Variants in CORIN observed in about 807,000 individuals in gnomAD.
CORIN encodes corin, serine peptidase, also known as atrial natriuretic peptide-converting enzyme.
Under a neutral mutation model 125.3 loss-of-function variants are expected in CORIN, and 117 were observed. The observed-to-expected ratio is 0.93, with a 90% CI of 0.80 to 1.09. The LOEUF is 1.09. CORIN is among the 50% of genes least tolerant of loss of function. The pLI is 0.00. For synonymous variants in CORIN, 450 were observed against 466.4 expected (o/e 0.96, Z 0.45); for missense variants, 1,253 against 1,306.7 (o/e 0.96, Z 0.63).
chr4:47,660,080 C>A (rs1404768182), intron 12 of CORIN, among the ~76,000 whole-genome samples: 1 of 152,172 alleles, frequency 6.6e-6, no homozygotes, highest in Admixed American at 6.5e-5. Flanking sequence ...AGAACACACA[C>A]TGGGGAAAGG....
intron 13 of CORIN, among the ~76,000 whole-genome samples, chr4:47,646,015 C>G: frequency 7.7e-6 from 1 of 129,996 alleles, no homozygotes; most frequent in Non-Finnish European, 1.6e-5. Context: ...GTGGCACGTT[C>G]TTGGCTCACC....
chr4:47,616,935 T>G (rs1465414940), intron 19 of CORIN, among the ~76,000 whole-genome samples: 2 of 152,098 alleles, frequency 1.3e-5, no homozygotes, highest in African/African-American at 4.8e-5. Context: ...TTTGAAAAGA[T>G]GAAAGGGGAT....
rs186748019 is a variant in CORIN at position 47,786,851 on chromosome 4, C to A, written c.283G>T (p.Asp95Tyr). The A allele has an allele frequency of 1.5e-4, 247 of 1,613,764 alleles. 1 individual carries two copies. In the East Asian group the frequency reaches 3.5e-3, roughly 23 times the overall value. ...LVTDGEIQGS[D>Y]VILTNTIYNQ... Reference sequence around the variant, plus strand: ...TAAATTGTATTTGTAAGAATAACATCGGACCCTTGGATTTCACCATCAGTG... The same window carrying A: ...TAAATTGTATTTGTAAGAATAACATAGGACCCTTGGATTTCACCATCAGTG... The change falls in exon 3 of 22, where the codon GAT (aspartate) becomes TAT (tyrosine). Residue 95 changes from aspartate (D) to tyrosine (Y), a missense_variant. Physicochemically the swap from Asp to Tyr is radical, Grantham distance 160. Transcript: ENST00000273857.
chr4:47,745,028 C>T (rs1415103961), intron 4 of CORIN, among the ~76,000 whole-genome samples: 7 of 152,152 alleles, frequency 4.6e-5, no homozygotes, highest in African/African-American at 1.7e-4. Flanking sequence ...AGAGAGTAAG[C>T]TGTTCCATTA....
chr4:47,658,956 T>A (rs1724120632), intron 12 of CORIN, among the ~76,000 whole-genome samples: 1 of 152,258 alleles, frequency 6.6e-6, no homozygotes, highest in Non-Finnish European at 1.5e-5. Context: ...GCAGCCAGGC[T>A]ATCTCTTGAA....
chr4:47,708,671 T>C (rs1214991606), intron 5 of CORIN, among the ~76,000 whole-genome samples: 1 of 152,180 alleles, frequency 6.6e-6, no homozygotes, highest in Non-Finnish European at 1.5e-5. Flanking sequence ...CTCAAGCAAG[T>C]GTGCCTTCTC....
rs1017283074 is a variant in CORIN, at chr4:47,677,968, C to T, written c.1219G>A (p.Asp407Asn). The T allele has an allele frequency of 1.9e-6, 3 of 1,613,896 alleles. No homozygotes were observed. Among genetic ancestry groups the T allele is most frequent in the African/African-American group, 1.3e-5 (1 of 75,032 alleles). ...FQCDGDEDCK[D>N]GSDEENCSVI... ...CTGCAGTTCTCCTCATCACTCCCAT[C>T]CTTGCAGTCCTCGTCACCATCACAT... The change falls in exon 9 of 22, where the codon GAT (aspartate) becomes AAT (asparagine). Residue 407 changes from aspartate (D) to asparagine (N), a missense_variant. Coordinates refer to ENST00000273857, the MANE Select transcript of CORIN (RefSeq NM_006587.4).
chr4:47,763,284 A>G (rs1442572260), intron 4 of CORIN, 95 bp downstream of exon 4: 7 of 951,414 alleles, frequency 7.4e-6, no homozygotes, highest in Non-Finnish European at 1.1e-5. Context: ...AATAACAACC[A>G]AAATAAAAGG....
chr4:47,606,991 T>G (rs1023724993), intron 19 of CORIN, among the ~76,000 whole-genome samples: 1 of 152,250 alleles, frequency 6.6e-6, no homozygotes, highest in Admixed American at 6.5e-5. Context: ...TCATAAGCAG[T>G]ATTTTGAATA....
Position 47,594,559 on chromosome 4 carries a change from C to T in CORIN, c.*1162G>A, listed in dbSNP as rs1327600690. 1 of 152,322 alleles carries T rather than the reference C, an allele frequency of 6.6e-6. No individual in the cohort carries two copies. The highest frequency in any genetic ancestry group is 1.5e-5 in the Non-Finnish European group (1 of 67,998). 9.4% of individuals were successfully genotyped at this position (152,322 alleles called of 1,614,324 possible). On this transcript the variant is annotated 3_prime_UTR_variant, in exon 22 of 22. Coordinates refer to ENST00000273857, the MANE Select transcript of CORIN (RefSeq NM_006587.4). Reference sequence around the variant, plus strand: ...AATTTTAATTACCAATGAGAAGAAACCAGATATTAAACATCTTTTGAGGAA... The same window carrying T: ...AATTTTAATTACCAATGAGAAGAAATCAGATATTAAACATCTTTTGAGGAA...
In CORIN at chr4:47,635,948, TG is replaced by T. The variant is rs150157042; in HGVS notation, c.2198+5971del. 8.9e-3 allele frequency among the ~76,000 whole-genome samples: 1,361 copies of T among 152,294 alleles called. 14 individuals are homozygous for T. Among genetic ancestry groups the T allele is most frequent in the Non-Finnish European group, 0.013 (884 of 68,022 alleles). On this transcript the variant is annotated intron_variant, in intron 16 of 21. Coordinates refer to ENST00000273857, the MANE Select transcript of CORIN (RefSeq NM_006587.4). ...GATGGATTATTCAAGTTATAAATCATGTTCTTATTTACCCAGGATCCATTCA... is the reference window on the plus strand; with the variant it reads ...GATGGATTATTCAAGTTATAAATCATTTCTTATTTACCCAGGATCCATTCA...
chr4:47,607,955 GAA>G (rs112787504), intron 19 of CORIN, among the ~76,000 whole-genome samples: 39,559 of 142,372 alleles, frequency 0.28, 6,169 homozygotes, highest in East Asian at 0.65. Flanking sequence ...TCAAAAAAAA[GAA>G]AAAAAAAAAA....
At chr4:47,722,765 G>C (rs931640633) in intron 5 of CORIN, among the ~76,000 whole-genome samples, 1 of 152,178 alleles carries the variant, frequency 6.6e-6, no homozygotes, top group African/African-American at 2.4e-5. Flanking sequence ...TTAAAATGGA[G>C]TAAAAATGTC....
chr4:47,795,119 TG>T (rs1373120578), intron 2 of CORIN, among the ~76,000 whole-genome samples: 8 of 152,180 alleles, frequency 5.3e-5, no homozygotes, highest in Non-Finnish European at 1.2e-4. Context: ...GATTTATTTC[TG>T]GGCTCTATAT....
intron 20 of CORIN, among the ~76,000 whole-genome samples, chr4:47,602,301 A>C (rs1560467878): frequency 6.6e-6 from 1 of 152,122 alleles, no homozygotes; most frequent in East Asian, 1.9e-4. Flanking sequence ...ACAAACAATT[A>C]TTATTTCTAA....
chr4:47,745,574 G>A (rs1276681616), intron 4 of CORIN, among the ~76,000 whole-genome samples: 4 of 152,232 alleles, frequency 2.6e-5, no homozygotes, highest in Non-Finnish European at 5.9e-5. Flanking sequence ...GGACAGACTT[G>A]AGGTCAAATA....
intron 1 of CORIN, among the ~76,000 whole-genome samples, chr4:47,830,839 C>T (rs114654085): frequency 6.6e-6 from 1 of 152,196 alleles, no homozygotes; most frequent in Non-Finnish European, 1.5e-5. Flanking sequence ...CAGAATGACA[C>T]TTTTGTGGCT....
chr4:47,773,880 T>A (rs1730172511), intron 3 of CORIN, among the ~76,000 whole-genome samples: 1 of 151,614 alleles, frequency 6.6e-6, no homozygotes, highest in South Asian at 2.1e-4. Context: ...ATCTTTTATA[T>A]TTATTATTAA....
intron 19 of CORIN, among the ~76,000 whole-genome samples, chr4:47,614,226 C>G (rs900542534): frequency 2.2e-4 from 34 of 152,110 alleles, no homozygotes; most frequent in Non-Finnish European, 4.0e-4. Context: ...GAGTTTCGCT[C>G]TTGTTGCCCA....
Sources: allele counts gnomAD v4.1 joint callset (sites outside exome capture counted in the v4.1 genomes callset), GRCh38; gene constraint gnomAD v4.1.1; transcripts MANE v1.5; gene names NCBI Gene and HGNC (gene_info 2026-07-23, HGNC 2026-07-21).